Variants in EIF4G3 observed in about 807,000 individuals in gnomAD.
EIF4G3 encodes eukaryotic translation initiation factor 4 gamma 3.
Under a neutral mutation model 186.4 loss-of-function variants are expected in EIF4G3, and 34 were observed. The observed-to-expected ratio is 0.18, with a 90% CI of 0.14 to 0.24. EIF4G3 has a LOEUF of 0.24. Ranked by LOEUF, EIF4G3 falls within the 10% of genes least tolerant of loss-of-function variation. The pLI, the probability that EIF4G3 is intolerant of heterozygous loss-of-function variation, is 1.00. For missense variants in EIF4G3, 1,536 were observed against 1,948.5 expected, an observed-to-expected ratio of 0.79 and a Z score of 3.99; for synonymous variants, 673 against 679.5, an observed-to-expected ratio of 0.99 and a Z score of 0.15.
At chr1:21,016,667 A>T (rs1362322047) in intron 4 of EIF4G3, among the ~76,000 whole-genome samples, 1 of 151,950 alleles carries the variant, frequency 6.6e-6, no homozygotes, top group Non-Finnish European at 1.5e-5. Flanking sequence ...TTAAAAAAAA[A>T]CAATAAAAGG....
chr1:21,154,232 T>G (rs896772387), intron 2 of EIF4G3, among the ~76,000 whole-genome samples: 1 of 152,174 alleles, frequency 6.6e-6, no homozygotes, highest in Non-Finnish European at 1.5e-5. Context: ...ACTCTCTATA[T>G]AGATCACTAA....
chr1:20,814,908 G>T (rs1231458976), intron 34 of EIF4G3, among the ~76,000 whole-genome samples: 2 of 114,616 alleles, frequency 1.7e-5, no homozygotes, highest in Non-Finnish European at 3.6e-5. Context: ...TCAGCCTGCC[G>T]AGTGCCTGCG....
chr1:21,125,089 G>A (rs1194672421), intron 2 of EIF4G3, among the ~76,000 whole-genome samples: 1 of 152,100 alleles, frequency 6.6e-6, no homozygotes, highest in Non-Finnish European at 1.5e-5. Flanking sequence ...TAAATTTGAA[G>A]GGAAGAAATT....
intron 26 of EIF4G3, 122 bp downstream of exon 26, chr1:20,854,856 T>A: frequency 1.6e-6 from 1 of 635,058 alleles, no homozygotes; most frequent in Non-Finnish European, 2.7e-6. Flanking sequence ...ACCAATAAAA[T>A]TTTAGGCATG....
chr1:21,115,188 T>C (rs986714214), intron 2 of EIF4G3, among the ~76,000 whole-genome samples: 1 of 152,204 alleles, frequency 6.6e-6, no homozygotes, highest in African/African-American at 2.4e-5. Flanking sequence ...CTTGCAAAGC[T>C]TAATCATTTC....
At chr1:20,977,117 A>C (rs1027326702) in intron 10 of EIF4G3, among the ~76,000 whole-genome samples, 2 of 151,714 alleles carry the variant, frequency 1.3e-5, no homozygotes, top group African/African-American at 2.4e-5. Flanking sequence ...TCAAACTGTT[A>C]AATGTTATTG....
intron 4 of EIF4G3, among the ~76,000 whole-genome samples, chr1:21,024,732 T>C (rs1481419435): frequency 1.3e-5 from 2 of 149,486 alleles, no homozygotes; most frequent in African/African-American, 4.9e-5. Flanking sequence ...TAATCTCAAG[T>C]AATCAGGGAC....
chr1:20,854,555 A>AC (rs1278609104), intron 26 of EIF4G3, among the ~76,000 whole-genome samples: 18 of 150,024 alleles, frequency 1.2e-4, no homozygotes, highest in Non-Finnish European at 2.4e-4. Context: ...AAAAAAAAAA[A>AC]TCAGCCAGGT....
At chr1:20,923,619 C>T (rs906114786) in intron 14 of EIF4G3, among the ~76,000 whole-genome samples, 1 of 151,742 alleles carries the variant, frequency 6.6e-6, no homozygotes, top group African/African-American at 2.4e-5. Context: ...CTCACTGCCT[C>T]GAATATATAA....
intron 2 of EIF4G3, among the ~76,000 whole-genome samples, chr1:21,121,162 T>C (rs2096918938): frequency 6.6e-6 from 1 of 152,138 alleles, no homozygotes. Context: ...CCCAAAGTGC[T>C]GTGATTACAG....
chr1:20,976,167 T>C (rs570246289), intron 10 of EIF4G3, among the ~76,000 whole-genome samples: 3 of 151,556 alleles, frequency 2.0e-5, no homozygotes, highest in Admixed American at 1.3e-4. Context: ...TGTATTTTTA[T>C]TTTATTTATT....
At chr1:21,075,612 A>G (rs972220094) in intron 3 of EIF4G3, among the ~76,000 whole-genome samples, 2 of 147,410 alleles carry the variant, frequency 1.4e-5, no homozygotes, top group African/African-American at 5.0e-5. Flanking sequence ...AAAGACAGAC[A>G]TAGACTAAAA....
intron 2 of EIF4G3, among the ~76,000 whole-genome samples, chr1:21,136,719 T>C (rs1367217997): frequency 3.3e-5 from 5 of 152,206 alleles, no homozygotes. Context: ...TTGCCTGTCA[T>C]ATAGCTCTGC....
rs185084475 is a variant in EIF4G3 at position 20,945,037 on chromosome 1, T to C, written c.824-2707A>G. On this transcript the variant is annotated intron_variant, in intron 13 of 36. Transcript: ENST00000602326. ...ACAAAACAAAACAAAACAAAACAAA[T>C]TGTGAGTTCTTCATTCTAAAATAAA... 1.2e-3 allele frequency among the ~76,000 whole-genome samples: 178 copies of C among 152,098 alleles called. 2 individuals carry two copies. Among genetic ancestry groups the C allele is most frequent in the Non-Finnish European group, 6.5e-4 (44 of 67,970 alleles).
intron 2 of EIF4G3, among the ~76,000 whole-genome samples, chr1:21,097,972 G>A (rs2096416011): frequency 6.6e-6 from 1 of 152,108 alleles, no homozygotes; most frequent in Non-Finnish European, 1.5e-5. Flanking sequence ...CAGGCACAGT[G>A]GCTCATGCCT....
intron 7 of EIF4G3, among the ~76,000 whole-genome samples, chr1:20,984,088 TA>T (rs2078880033): frequency 6.6e-6 from 1 of 152,200 alleles, no homozygotes; most frequent in South Asian, 2.1e-4. Context: ...ACAGTGTTTC[TA>T]ATGATATTCC....
At chr1:21,047,650 G>A (rs192286979) in intron 4 of EIF4G3, among the ~76,000 whole-genome samples, 1 of 152,168 alleles carries the variant, frequency 6.6e-6, no homozygotes, top group Admixed American at 6.5e-5. Context: ...TTTCATATGT[G>A]TAGGACTCTC....
intron 10 of EIF4G3, among the ~76,000 whole-genome samples, chr1:20,973,584 C>G (rs1345086705): frequency 6.6e-6 from 1 of 152,102 alleles, no homozygotes; most frequent in Non-Finnish European, 1.5e-5. Flanking sequence ...TAGGGAGGTA[C>G]ATAAAGGATT....
At chr1:20,823,925 ACCTAAG>A (rs2062999191) in intron 33 of EIF4G3, among the ~76,000 whole-genome samples, 2 of 152,194 alleles carry the variant, frequency 1.3e-5, no homozygotes, top group Non-Finnish European at 2.9e-5. Context: ...AAATAAGGGG[ACCTAAG>A]TTGAGGATGT....
Sources: allele counts gnomAD v4.1 joint callset (sites outside exome capture counted in the v4.1 genomes callset), GRCh38; gene constraint gnomAD v4.1.1; transcripts MANE v1.5; gene names NCBI Gene and HGNC (gene_info 2026-07-23, HGNC 2026-07-21).